Variants in NSD3 observed in about 807,000 individuals in gnomAD.
NSD3 encodes nuclear receptor binding SET domain protein 3.
A neutral mutation model predicts 160.8 loss-of-function variants in NSD3; 24 were observed. The observed-to-expected ratio is 0.15, with a 90% confidence interval of 0.11 to 0.21. The LOEUF (loss-of-function observed/expected upper bound fraction) is 0.21, where lower values mean the gene tolerates loss of function less well. Among genes scored for constraint, NSD3 ranks in the 10% least tolerant of loss-of-function variants. The probability of loss-of-function intolerance (pLI) is 1.00; values close to 1 mark genes in which losing one functional copy is unlikely to be tolerated. For missense variants in NSD3, 1,157 were observed against 1,735.9 expected, an observed-to-expected ratio of 0.67 and a Z score of 5.93; for synonymous variants, 520 against 600.0, an observed-to-expected ratio of 0.87 and a Z score of 1.95.
At chr8:38,380,491 G>A (rs1038877894) in intron 1 of NSD3, 2 of 152,164 alleles carry the variant, frequency 1.3e-5, no homozygotes, top group Non-Finnish European at 2.9e-5. Context: ...TTTTCAATAC[G>A]TAAAAGACTT....
intron 16 of NSD3, among the ~76,000 whole-genome samples, chr8:38,294,590 G>A (rs548705747): frequency 6.6e-5 from 10 of 152,198 alleles, no homozygotes; most frequent in Non-Finnish European, 1.5e-4. Context: ...TAAAATGGAC[G>A]AGATTCAGGG....
chr8:38,298,548 G>C (rs1809208952), intron 15 of NSD3, among the ~76,000 whole-genome samples: 1 of 152,070 alleles, frequency 6.6e-6, no homozygotes, highest in Non-Finnish European at 1.5e-5. Flanking sequence ...GTGTGTGTGT[G>C]TGTGTGTGTG....
intron 15 of NSD3, 44 bp from the exon 16 acceptor site, chr8:38,295,996 G>A (rs919432969): frequency 1.3e-6 from 2 of 1,536,378 alleles, no homozygotes; most frequent in Admixed American, 2.3e-5. Context: ...AAAGAGGAGA[G>A]AGAAAAAGAA....
rs555685830 is a variant in NSD3, at chr8:38,319,390, G to C, written c.1810-450C>G. 6.4e-6 allele frequency: 1 copy of C among 155,092 alleles called. No homozygotes were observed. The highest frequency in any genetic ancestry group is 1.4e-5 in the Non-Finnish European group (1 of 70,136). 9.6% of individuals were successfully genotyped at this position (155,092 alleles called of 1,614,324 possible). A position where few individuals can be genotyped will look rare whatever the true frequency, so the allele number is the denominator to read the frequency against. On this transcript the variant is annotated intron_variant, in intron 8 of 23. Transcript: ENST00000317025. The surrounding 1 kb of genome is among the most constrained non-coding windows in gnomAD (Gnocchi z 4.1). ...AGACCCTTCCGCGCCTGCACTCACAGCTAAGTTGCTGGGAATCAGGACCCT... is the reference window on the plus strand; with the variant it reads ...AGACCCTTCCGCGCCTGCACTCACACCTAAGTTGCTGGGAATCAGGACCCT...
At chr8:38,332,470 G>C (rs986661890) in intron 4 of NSD3, among the ~76,000 whole-genome samples, 119 of 152,230 alleles carry the variant, frequency 7.8e-4, no homozygotes, top group African/African-American at 2.8e-3. Flanking sequence ...AATAACATTA[G>C]ATATAACCCA....
chr8:38,320,366 C>A (rs1168730475), intron 8 of NSD3: 1 of 151,692 alleles, frequency 6.6e-6, no homozygotes, highest in Non-Finnish European at 1.5e-5. Context: ...TATTCTTTAA[C>A]AAAAAAATTA....
Position 38,329,565 on chromosome 8 carries a change from G to T in NSD3, c.1394C>A (p.Pro465His). Residue 465 changes from proline (P) to histidine (H), a missense_variant, in exon 6 of 24, where the codon CCT becomes CAT. Physicochemically the swap from Pro to His is moderately conservative, Grantham distance 77 (BLOSUM62 -2). Transcript: ENST00000317025. This position sits in a 1 kb window ranked among gnomAD's most constrained non-coding sequence, Gnocchi z 4.8. Reference protein sequence around the residue: ...HTSAEEEEPPPVKIAWKTAAA... With the variant: ...HTSAEEEEPPHVKIAWKTAAA... ...CGCAGTTTTCCAGGCTATTTTAACA[G>T]GCGGTGGCTCTTCCTCTTCCGCACT... 6.2e-7 allele frequency: 1 copy of T among 1,614,196 alleles called. No individual in the cohort carries two copies.
intron 2 of NSD3, among the ~76,000 whole-genome samples, chr8:38,346,272 A>G (rs1346346485): frequency 1.4e-5 from 2 of 147,904 alleles, no homozygotes; most frequent in East Asian, 3.9e-4. Context: ...TATGAAGACT[A>G]TGTATATATA....
intron 19 of NSD3, among the ~76,000 whole-genome samples, chr8:38,282,037 T>C (rs1808744496): frequency 6.6e-6 from 1 of 152,226 alleles, no homozygotes; most frequent in Non-Finnish European, 1.5e-5. Context: ...AAATAGTACA[T>C]GGGAAATCTT....
At chr8:38,379,896 T>C (rs1811493525) in intron 1 of NSD3, among the ~76,000 whole-genome samples, 1 of 152,252 alleles carries the variant, frequency 6.6e-6, no homozygotes, top group East Asian at 1.9e-4. Context: ...TTAACACCAA[T>C]GTATGTTCTG....
At chr8:38,379,674 T>A (rs1811488207) in intron 1 of NSD3, among the ~76,000 whole-genome samples, 1 of 152,252 alleles carries the variant, frequency 6.6e-6, no homozygotes, top group African/African-American at 2.4e-5. Flanking sequence ...AGCTTCTGTA[T>A]AACAACTGAG....
Position 38,272,976 on chromosome 8 carries a change from A to C in NSD3, c.*2665T>G, listed in dbSNP as rs1808518572. ...AGAACTCCTTGGCACCAGCATGACTAAAACCGCTTTTTAGACCATTAAAGA... is the reference window on the plus strand; with the variant it reads ...AGAACTCCTTGGCACCAGCATGACTCAAACCGCTTTTTAGACCATTAAAGA... On this transcript the variant is annotated 3_prime_UTR_variant, in exon 24 of 24. Transcript: ENST00000317025. The C allele has an allele frequency of 6.6e-6, 1 of 152,224 alleles. No homozygotes were observed. Among genetic ancestry groups the C allele is most frequent in the African/African-American group, 2.4e-5 (1 of 41,462 alleles). The allele number at this position is 152,224 out of a possible 1,614,324, so 9.4% of individuals were successfully genotyped here. A position where few individuals can be genotyped will look rare whatever the true frequency, so the allele number is the denominator to read the frequency against.
At position 38,342,189 on chromosome 8, in the gene NSD3, G is replaced by GA. The variant is rs377102958; in HGVS notation, c.676-3583dup. 7.6e-3 allele frequency among the ~76,000 whole-genome samples: 1,154 copies of GA among 152,224 alleles called. 6 individuals are homozygous for GA. The highest frequency in any genetic ancestry group is 0.014 in the South Asian group (67 of 4,828). ...TTTCAAGACTATATAAGTAAGAGAAGAAAAAGAATTCAAGTAAGGATGCTG... is the reference window on the plus strand; with the variant it reads ...TTTCAAGACTATATAAGTAAGAGAAGAAAAAAGAATTCAAGTAAGGATGCTG... On this transcript the variant is annotated intron_variant, in intron 2 of 23. Coordinates refer to ENST00000317025, the MANE Select transcript of NSD3 (RefSeq NM_023034.2).
chr8:38,340,491 C>A (rs1484111329), intron 2 of NSD3, among the ~76,000 whole-genome samples: 6 of 152,102 alleles, frequency 3.9e-5, no homozygotes, highest in Non-Finnish European at 8.8e-5. Context: ...GCCCGCACCA[C>A]CACACCCAGC....
intron 12 of NSD3, among the ~76,000 whole-genome samples, chr8:38,310,675 CTTT>C (rs919146524): frequency 3.6e-5 from 5 of 138,142 alleles, no homozygotes; most frequent in Admixed American, 7.3e-5. Flanking sequence ...GCCAGGCTAA[CTTT>C]TTTTTTTTTT....
At chr8:38,339,512 A>G (rs1211603490) in intron 2 of NSD3, among the ~76,000 whole-genome samples, 1 of 152,084 alleles carries the variant, frequency 6.6e-6, no homozygotes. Context: ...GGATCACGAG[A>G]TCAAGAAATT....
chr8:38,301,513 G>A (rs1809275483), intron 14 of NSD3, among the ~76,000 whole-genome samples: 1 of 152,182 alleles, frequency 6.6e-6, no homozygotes, highest in Non-Finnish European at 1.5e-5. Context: ...CCAGAAGGCA[G>A]AGGTTGCAGT....
At position 38,275,416 on chromosome 8, in the gene NSD3, AG is replaced by A; in HGVS notation, c.*224del. On this transcript the variant is annotated 3_prime_UTR_variant, in exon 24 of 24. Coordinates refer to ENST00000317025, the MANE Select transcript of NSD3 (RefSeq NM_023034.2). ...CTGAAGCACAATAAAAGGCAAGAAA[AG>A]ACCAAGGGAATTTAACCCTCCACAA... The A allele has an allele frequency of 2.0e-6, 1 of 497,706 alleles. No homozygotes were observed. The highest frequency in any genetic ancestry group is 1.9e-5 in the African/African-American group (1 of 51,960). The allele number at this position is 497,706 out of a possible 1,614,324, so 30.8% of individuals were successfully genotyped here. A position where few individuals can be genotyped will look rare whatever the true frequency, so the allele number is the denominator to read the frequency against.
intron 19 of NSD3, among the ~76,000 whole-genome samples, chr8:38,283,178 G>A (rs767849784): frequency 6.6e-6 from 1 of 152,102 alleles, no homozygotes; most frequent in Non-Finnish European, 1.5e-5. Flanking sequence ...ACAGTGATAA[G>A]CTCCTTTTAA....
Sources: gnomAD v4.1 joint callset for allele counts (sites outside exome capture counted in the v4.1 genomes callset) on GRCh38, gnomAD v4.1.1 for gene constraint, Gnocchi (gnomAD v3.1) non-coding constraint, MANE v1.5 for transcripts, NCBI Gene and HGNC (gene_info 2026-07-23, HGNC 2026-07-21) for gene names.